The following RHPN1 variants were observed in gnomAD, a reference collection of about 807,000 sequenced individuals.
RHPN1 encodes the protein rhophilin Rho GTPase binding protein 1.
Under a neutral mutation model 74.7 loss-of-function variants are expected in RHPN1, and 77 were observed. The observed-to-expected ratio is 1.03, with a 90% CI of 0.86 to 1.25. The LOEUF is 1.25. RHPN1 is among the 50% of genes most tolerant of loss of function. The pLI is 0.00. For synonymous variants in RHPN1, 444 were observed against 414.5 expected, an observed-to-expected ratio of 1.07 and a Z score of -0.87; for missense variants, 987 against 932.2, an observed-to-expected ratio of 1.06 and a Z score of -0.77.
At position 143,382,732 on chromosome 8, in the gene RHPN1, C is replaced by CTGGG; in HGVS notation, c.*81_*82insTGGG. On this transcript the variant is annotated 3_prime_UTR_variant, in exon 15 of 15. Transcript: ENST00000289013. Reference sequence around the variant, plus strand: ...CATGCCCTCCCCACCCAGAGGACCTCCGGGCAATGCCTGTCCCGCCTCATG... The same window carrying CTGGG: ...CATGCCCTCCCCACCCAGAGGACCTCTGGGCGGGCAATGCCTGTCCCGCCTCATG... 1.7e-6 allele frequency: 2 copies of CTGGG among 1,203,324 alleles called. No homozygotes were observed. Among genetic ancestry groups the CTGGG allele is most frequent in the Non-Finnish European group, 2.3e-6 (2 of 858,512 alleles). The allele number at this position is 1,203,324 out of a possible 1,614,324, so 74.5% of individuals were successfully genotyped here.
In RHPN1 at chr8:143,379,408, C is replaced by A; in HGVS notation, c.845C>A (p.Ala282Asp). Residue 282 changes from alanine (A) to aspartate (D), a missense_variant, in exon 8 of 15, where the codon GCC becomes GAC. Physicochemically the swap from Ala to Asp is moderately radical, Grantham distance 126. Transcript: ENST00000289013. ...SLCALEQLMMAQAQECVFEGL... is the reference protein window; with the variant it reads ...SLCALEQLMMDQAQECVFEGL... ...TGCGCACTGGAGCAGCTCATGATGG[C>A]CCAGGCCCAGGAATGTGTGTTTGAG... 1 of 1,588,458 alleles carries A rather than the reference C, an allele frequency of 6.3e-7. No individual in the cohort carries two copies. The highest frequency in any genetic ancestry group is 8.6e-7 in the Non-Finnish European group (1 of 1,167,874).
At chr8:143,367,496 A>G (rs1586794690), upstream of RHPN1, 5 of 152,440 alleles carry the variant, frequency 3.3e-5, 1 homozygote, top group Admixed American at 3.3e-4. Context: ...GCCCTGTCTC[A>G]AAAGGCCAGG....
chr8:143,379,603 C>T, intron 8 of RHPN1, 95 bp downstream of exon 8: 1 of 1,456,306 alleles, frequency 6.9e-7, no homozygotes, highest in Non-Finnish European at 9.1e-7. Context: ...CACCTCCTTC[C>T]TTGTGTGTCA....
rs568906990 is a variant in RHPN1 at position 143,374,060 on chromosome 8, C to G, written c.61-1493C>G. ...CTTCTGTCTAGGAAATCAAACCTTT[C>G]TTGTATAATGGGAATAAACTAATTA... On this transcript the variant is annotated intron_variant, in intron 1 of 14. Transcript: ENST00000289013. The G allele has an allele frequency of 2.6e-5, 24 of 940,918 alleles. 1 individual carries two copies. The African/African-American group carries it at 4.1e-4, about 16-fold the overall frequency. 58.3% of individuals were successfully genotyped at this position (940,918 alleles called of 1,614,324 possible).
chr8:143,378,223 G>A (rs940763495), intron 4 of RHPN1, 46 bp from the exon 5 acceptor site: 19 of 1,489,024 alleles, frequency 1.3e-5, no homozygotes, highest in Non-Finnish European at 1.6e-5. Context: ...AGGGAAGGAG[G>A]CCAGGCACAG....
chr8:143,379,593 C>T lies in RHPN1; in HGVS notation c.945+85C>T, dbSNP rs777369999. The T allele has an allele frequency of 4.8e-4, 703 of 1,463,618 alleles. 2 individuals carry two copies. The Middle Eastern group carries it at 7.5e-3, about 16-fold the overall frequency. 90.7% of individuals were successfully genotyped at this position (1,463,618 alleles called of 1,614,324 possible). A position where few individuals can be genotyped will look rare whatever the true frequency, so the allele number is the denominator to read the frequency against. On this transcript the variant is annotated intron_variant, in intron 8 of 14. Coordinates refer to ENST00000289013, the MANE Select transcript of RHPN1 (RefSeq NM_052924.3). ...AGGTCCAGGCATGCGTGAGCTCTCCCACCTCCTTCCTTGTGTGTCAGCCCC... is the reference window on the plus strand; with the variant it reads ...AGGTCCAGGCATGCGTGAGCTCTCCTACCTCCTTCCTTGTGTGTCAGCCCC...
rs751441272 is a variant in RHPN1, at chr8:143,380,790, A to G, written c.1411+7A>G. The G allele has an allele frequency of 1.9e-6, 3 of 1,545,340 alleles. No homozygotes were observed. The highest frequency in any genetic ancestry group is 1.8e-6 in the Non-Finnish European group (2 of 1,140,424). On this transcript the variant is annotated splice_region_variant and intron_variant, in intron 11 of 14. Coordinates refer to ENST00000289013, the MANE Select transcript of RHPN1 (RefSeq NM_052924.3). ...GAGGCCCCGGACATCCAGCGTGAGC[A>G]GCCAGGGCCTGTCTGGGTGGCTGCA... is the stretch of plus-strand genomic sequence containing the variant.
Position 143,378,357 on chromosome 8 carries a change from C to CCT in RHPN1, c.459+12_459+13insTC, listed in dbSNP as rs1554628325. ...GAGGCCCTGCGGCAGGTGTGTGGTT[C>CCT]CCCCGCCCACCCACCCTCCTGCAGC... On this transcript the variant is annotated intron_variant, in intron 5 of 14. Coordinates refer to ENST00000289013, the MANE Select transcript of RHPN1 (RefSeq NM_052924.3). 5.9e-6 allele frequency: 9 copies of CCT among 1,520,944 alleles called. No individual in the cohort carries two copies. Among genetic ancestry groups the CCT allele is most frequent in the South Asian group, 1.2e-5 (1 of 83,424 alleles). 94.2% of individuals were successfully genotyped at this position (1,520,944 alleles called of 1,614,324 possible).
In RHPN1 at chr8:143,378,236, G is replaced by A. The variant is rs200999511; in HGVS notation, c.382-33G>A. 1.8e-5 allele frequency: 27 copies of A among 1,534,546 alleles called. No homozygotes were observed. In the African/African-American group the frequency reaches 2.5e-4, roughly 14 times the overall value. ...TCAGGGAAGGAGGCCAGGCACAGGG[G>A]TACTGTGGATGCCAACACCTGCCCC... On this transcript the variant is annotated intron_variant, in intron 4 of 14. Transcript: ENST00000289013.
rs772399494 is a variant in RHPN1 at position 143,380,701 on chromosome 8, G to A, written c.1329G>A (p.Thr443=). Residue 443 remains threonine, a synonymous_variant, in exon 11 of 15, where the codon ACG becomes ACA. Coordinates refer to ENST00000289013, the MANE Select transcript of RHPN1 (RefSeq NM_052924.3). ...TGCTTCGGGCTGTGATCTCCCAGAC[G>A]CTGCAGCGCTCACTGGCCAAGTATG... The part of the protein sequence containing the change: ...VDLLRAVISQ[T]LQRSLAKYAE... 15 of 1,589,192 alleles carry A rather than the reference G, an allele frequency of 9.4e-6. No homozygotes were observed. Among genetic ancestry groups the A allele is most frequent in the South Asian group, 8.0e-5 (7 of 87,304 alleles).
Position 143,379,619 on chromosome 8 carries a change from G to A in RHPN1, c.945+111G>A, listed in dbSNP as rs915375997. The A allele has an allele frequency of 8.3e-5, 121 of 1,450,550 alleles. 1 individual carries two copies. Among genetic ancestry groups the A allele is most frequent in the South Asian group, 7.8e-4 (55 of 70,350 alleles). 89.9% of individuals were successfully genotyped at this position (1,450,550 alleles called of 1,614,324 possible). On this transcript the variant is annotated intron_variant, in intron 8 of 14. Transcript: ENST00000289013. ...ACCTCCTTCCTTGTGTGTCAGCCCCGAGCCAGCTGTTGTCCTGCTCCCTGG... is the reference window on the plus strand; with the variant it reads ...ACCTCCTTCCTTGTGTGTCAGCCCCAAGCCAGCTGTTGTCCTGCTCCCTGG...
At chr8:143,378,490 GTC>G (rs1818445859) in intron 5 of RHPN1, 144 bp downstream of exon 5, 4 of 999,466 alleles carry the variant, frequency 4.0e-6, no homozygotes, top group Non-Finnish European at 5.9e-6. Context: ...GGCCCTGTGT[GTC>G]CAGACCCAGC....
chr8:143,379,658 G>A (rs1279957413), intron 8 of RHPN1, 150 bp downstream of exon 8: 1 of 1,444,124 alleles, frequency 6.9e-7, no homozygotes, highest in East Asian at 2.5e-5. Flanking sequence ...GGCTGGTCAG[G>A]AACCTGGGGA....
chr8:143,383,662 ACGGAGC>A lies in RHPN1; in HGVS notation c.*1024_*1029del, dbSNP rs549181136. ...GTCAGGGCTGCACCCAAGAGGAGCC[ACGGAGC>A]CGGAGCCGGAGCGGAGGCCCCCACC... On this transcript the variant is annotated 3_prime_UTR_variant, in exon 15 of 15. Coordinates refer to ENST00000289013, the MANE Select transcript of RHPN1 (RefSeq NM_052924.3). 317 of 152,962 alleles carry A rather than the reference ACGGAGC, an allele frequency of 2.1e-3. No homozygotes were observed. The highest frequency in any genetic ancestry group is 0.016 in the Middle Eastern group (5 of 304). 9.5% of individuals were successfully genotyped at this position (152,962 alleles called of 1,614,324 possible). A position where few individuals can be genotyped will look rare whatever the true frequency, so the allele number is the denominator to read the frequency against.
Position 143,369,018 on chromosome 8 carries a change from G to A in RHPN1, c.31G>A (p.Gly11Ser). 1 of 1,496,686 alleles carries A rather than the reference G, an allele frequency of 6.7e-7. No individual in the cohort carries two copies. The allele number at this position is 1,496,686 out of a possible 1,614,324, so 92.7% of individuals were successfully genotyped here. The change falls in exon 1 of 15, where the codon GGC becomes AGC. Residue 11 changes from glycine (G) to serine (S), a missense_variant. By Grantham distance (56) the Gly-to-Ser change is moderately conservative. Transcript: ENST00000289013. MILEERPDGAGAGEESPRLQG... is the reference protein window; with the variant it reads MILEERPDGASAGEESPRLQG... Reference sequence around the variant, plus strand: ...CCTGGAGGAGAGGCCGGACGGCGCGGGCGCCGGCGAGGAGAGCCCGCGGCT... The same window carrying A: ...CCTGGAGGAGAGGCCGGACGGCGCGAGCGCCGGCGAGGAGAGCCCGCGGCT...
Position 143,379,314 on chromosome 8 carries a change from G to C in RHPN1, c.752-1G>C, listed in dbSNP as rs1486633414. On this transcript the variant is annotated splice_acceptor_variant, in intron 7 of 14. Coordinates refer to ENST00000289013, the MANE Select transcript of RHPN1 (RefSeq NM_052924.3). LOFTEE classifies it high-confidence loss of function. ...CTGTGTGAGCACCCCTCCCTCCGCA[G>C]GGGCCTTCAGCCTCCTGAGGGAGAA... 1 of 1,583,588 alleles carries C rather than the reference G, an allele frequency of 6.3e-7. No individual in the cohort carries two copies. Among genetic ancestry groups the C allele is most frequent in the Non-Finnish European group, 8.6e-7 (1 of 1,161,636 alleles).
In RHPN1 at chr8:143,379,006, A is replaced by T; in HGVS notation, c.679A>T (p.Ile227Phe). The T allele has an allele frequency of 1.3e-6, 2 of 1,550,680 alleles. No homozygotes were observed. Among genetic ancestry groups the T allele is most frequent in the Non-Finnish European group, 1.7e-6 (2 of 1,147,466 alleles). The change falls in exon 7 of 15, where the codon ATT (isoleucine) becomes TTT (phenylalanine). Residue 227 changes from isoleucine (I) to phenylalanine (F), a missense_variant. Physicochemically the swap from Ile to Phe is conservative, Grantham distance 21. Coordinates refer to ENST00000289013, the MANE Select transcript of RHPN1 (RefSeq NM_052924.3). The stretch of plus-strand genomic sequence containing the variant: ...CAACATCGGTGCCCTCCACACGCAG[A>T]TTGGGGCGCGCCAGGACCGCTCCTG... ...LFNIGALHTQ[I>F]GARQDRSCTE... is the part of the protein sequence containing the mutation.
intron 1 of RHPN1, chr8:143,374,199 G>A: frequency 2.0e-6 from 2 of 985,494 alleles, no homozygotes; most frequent in Non-Finnish European, 2.4e-6. Flanking sequence ...GAAGGCCTGA[G>A]AGACGTGTGT....
At chr8:143,378,367 C>G in intron 5 of RHPN1, 21 bp downstream of exon 5, 3 of 918,176 alleles carry the variant, frequency 3.3e-6, no homozygotes, top group Non-Finnish European at 4.7e-6. Context: ...CCCCCGCCCA[C>G]CCACCCTCCT....
Sources: allele counts gnomAD v4.1 joint callset, GRCh38; gene constraint gnomAD v4.1.1; transcripts MANE v1.5; gene names NCBI Gene and HGNC (gene_info 2026-07-23, HGNC 2026-07-21).